Variants in SIPA1L1 observed in about 807,000 individuals in gnomAD.
SIPA1L1 encodes signal-induced proliferation-associated 1-like protein 1.
In SIPA1L1, 26 loss-of-function variants were observed where a neutral mutation model predicts 162.7. The observed-to-expected ratio is 0.16, with a 90% CI of 0.12 to 0.22. The LOEUF (loss-of-function observed/expected upper bound fraction) is 0.22, where lower values mean the gene tolerates loss of function less well. Among genes scored for constraint, SIPA1L1 ranks in the 10% least tolerant of loss-of-function variants. The pLI, the probability that SIPA1L1 is intolerant of heterozygous loss-of-function variation, is 1.00. For missense variants in SIPA1L1, 1,874 were observed against 2,241.0 expected (o/e 0.84, Z 3.31); for synonymous variants, 829 against 837.4 (o/e 0.99, Z 0.17).
chr14:71,542,704 C>CCCTCCTCCT (rs147003051), intron 4 of SIPA1L1, among the ~76,000 whole-genome samples: 5 of 105,794 alleles, frequency 4.7e-5, no homozygotes, highest in African/African-American at 7.6e-5. Context: ...TTCTCCTCCT[C>CCCTCCTCCT]CCTCCTCCTC....
chr14:71,488,151 G>C (rs1341484446), intron 2 of SIPA1L1, among the ~76,000 whole-genome samples: 1 of 152,164 alleles, frequency 6.6e-6, no homozygotes, highest in Non-Finnish European at 1.5e-5. Flanking sequence ...TTATCTTTAG[G>C]CGTGGTGGAG....
intron 4 of SIPA1L1, among the ~76,000 whole-genome samples, chr14:71,560,298 G>A (rs1329676812): frequency 6.6e-6 from 1 of 152,192 alleles, no homozygotes; most frequent in East Asian, 1.9e-4. Context: ...AGTAGCCCCA[G>A]AAATCAACAG....
intron 7 of SIPA1L1, among the ~76,000 whole-genome samples, chr14:71,625,687 G>A (rs1458554362): frequency 1.3e-5 from 2 of 152,114 alleles, no homozygotes; most frequent in Non-Finnish European, 2.9e-5. Context: ...TTCTAACAAA[G>A]GAGTAGAAAA....
At chr14:71,675,912 A>G (rs996073616) in intron 12 of SIPA1L1, among the ~76,000 whole-genome samples, 1 of 152,170 alleles carries the variant, frequency 6.6e-6, no homozygotes, top group African/African-American at 2.4e-5. Flanking sequence ...CACATGGGAG[A>G]GTCATTCATT....
At chr14:71,659,357 T>C (rs2043318453) in intron 9 of SIPA1L1, among the ~76,000 whole-genome samples, 1 of 152,208 alleles carries the variant, frequency 6.6e-6, no homozygotes, top group African/African-American at 2.4e-5. Context: ...ACTTTATCAG[T>C]TTACATTTGA....
intron 2 of SIPA1L1, among the ~76,000 whole-genome samples, chr14:71,404,265 C>T (rs1205753999): frequency 6.6e-6 from 1 of 152,104 alleles, no homozygotes; most frequent in African/African-American, 2.4e-5. Context: ...ATTTTAAAAG[C>T]ATGTCTAGGC....
At chr14:71,492,212 G>T (rs921869361) in intron 2 of SIPA1L1, among the ~76,000 whole-genome samples, 1 of 152,172 alleles carries the variant, frequency 6.6e-6, no homozygotes, top group Admixed American at 6.5e-5. Flanking sequence ...CAAGGATTTG[G>T]CAGGAAGGAG....
intron 6 of SIPA1L1, among the ~76,000 whole-genome samples, chr14:71,622,474 A>T (rs540337443): frequency 4.1e-4 from 62 of 152,320 alleles, no homozygotes; most frequent in African/African-American, 1.5e-3. Context: ...TCAGGATGCA[A>T]TGGCTTGAAT....
intron 2 of SIPA1L1, among the ~76,000 whole-genome samples, chr14:71,500,477 G>A (rs573157449): frequency 4.1e-4 from 62 of 152,264 alleles, no homozygotes; most frequent in African/African-American, 1.5e-3. Context: ...AAATGAAAAA[G>A]ATAACTCCAA....
intron 19 of SIPA1L1, 66 bp downstream of exon 19, chr14:71,724,901 A>G (rs2084086706): frequency 6.4e-6 from 9 of 1,406,752 alleles, no homozygotes; most frequent in East Asian, 4.6e-5. Flanking sequence ...GCTATTAACC[A>G]TAGTCACACT....
Position 71,409,043 on chromosome 14 carries a change from C to T in SIPA1L1, c.-465+87862C>T, listed in dbSNP as rs184896205. ...ACTTTGAAGCTACTGTGTGTTCCCC[C>T]GTGATCCCCTCCTTCTCTTTCCCTC... On this transcript the variant is annotated intron_variant, in intron 2 of 23. Coordinates refer to ENST00000381232, the MANE Select transcript of SIPA1L1 (RefSeq NM_001386936.1). Among the ~76,000 whole-genome samples, 35 of 152,284 alleles carry T rather than the reference C, an allele frequency of 2.3e-4. 1 individual carries two copies. In the East Asian group the frequency reaches 6.6e-3, roughly 29 times the overall value.
In SIPA1L1 at chr14:71,540,144, C is replaced by T. The variant is rs12883239; in HGVS notation, c.-303+10774C>T. On this transcript the variant is annotated intron_variant, in intron 4 of 23. Coordinates refer to ENST00000381232, the MANE Select transcript of SIPA1L1 (RefSeq NM_001386936.1). ...GAGATTTGACATTTCTTATAGCAGC[C>T]GATAGTTTACATTGACAAGCCCCTT... Among the ~76,000 whole-genome samples, 684 of 152,238 alleles carry T rather than the reference C, an allele frequency of 4.5e-3. 6 individuals carry two copies. Among genetic ancestry groups the T allele is most frequent in the Middle Eastern group, 6.8e-3 (2 of 294 alleles).
chr14:71,648,871 T>G (rs2042389670), intron 7 of SIPA1L1, among the ~76,000 whole-genome samples: 1 of 152,238 alleles, frequency 6.6e-6, no homozygotes, highest in African/African-American at 2.4e-5. Context: ...CAGAACTGAC[T>G]CTTTATGATC....
intron 11 of SIPA1L1, 35 bp from the exon 12 acceptor site, chr14:71,672,313 C>A: frequency 6.2e-7 from 1 of 1,608,784 alleles, no homozygotes; most frequent in South Asian, 1.1e-5. Flanking sequence ...TACCCTATTG[C>A]TTTAAACCAC....
At chr14:71,661,085 A>G (rs934318422) in intron 9 of SIPA1L1, among the ~76,000 whole-genome samples, 9 of 152,046 alleles carry the variant, frequency 5.9e-5, no homozygotes, top group African/African-American at 2.2e-4. Flanking sequence ...GGGTAGATCT[A>G]TTTGAATGGC....
intron 2 of SIPA1L1, among the ~76,000 whole-genome samples, chr14:71,407,877 G>A (rs1566983505): frequency 6.6e-6 from 1 of 152,018 alleles, no homozygotes; most frequent in East Asian, 1.9e-4. Context: ...GTTTTGTTTT[G>A]TTTTTTTGTA....
intron 2 of SIPA1L1, among the ~76,000 whole-genome samples, chr14:71,471,292 A>T (rs2047438243): frequency 6.6e-6 from 1 of 152,030 alleles, no homozygotes; most frequent in Admixed American, 6.5e-5. Context: ...AACATGGTGA[A>T]ACTCCATCTC....
At chr14:71,637,047 T>A (rs568884220) in intron 7 of SIPA1L1, among the ~76,000 whole-genome samples, 1 of 141,614 alleles carries the variant, frequency 7.1e-6, no homozygotes, top group East Asian at 2.2e-4. Flanking sequence ...TGAGACTCCA[T>A]CTTTAAAAAA....
chr14:71,356,443 C>G (rs988386079), intron 2 of SIPA1L1, among the ~76,000 whole-genome samples: 1 of 150,950 alleles, frequency 6.6e-6, no homozygotes, highest in Non-Finnish European at 1.5e-5. Flanking sequence ...TAAAAACGTA[C>G]TTTTTGGGCC....
Sources: gnomAD v4.1 joint callset for allele counts (sites outside exome capture counted in the v4.1 genomes callset) on GRCh38, gnomAD v4.1.1 for gene constraint, MANE v1.5 for transcripts, NCBI Gene and HGNC (gene_info 2026-07-23, HGNC 2026-07-21) for gene names.